The following ZNRF2 variants were observed in gnomAD, a reference collection of about 807,000 sequenced individuals.
ZNRF2 encodes zinc and ring finger 2, also known as E3 ubiquitin-protein ligase ZNRF2.
ZNRF2 carries 16 observed loss-of-function variants against 20.4 expected under a neutral mutation model. The ratio of observed to expected loss-of-function variants is 0.79; its 90% CI spans 0.53 to 1.19. The LOEUF (loss-of-function observed/expected upper bound fraction) is 1.19. Among genes scored for constraint, ZNRF2 ranks in the 50% most tolerant of loss-of-function variants. ZNRF2 has a pLI of 0.00. For synonymous variants in ZNRF2, 178 were observed against 144.9 expected, an observed-to-expected ratio of 1.23 and a Z score of -1.64; for missense variants, 363 against 332.4, an observed-to-expected ratio of 1.09 and a Z score of -0.72.
chr7:30,321,394 C>A (rs1799467219), intron 1 of ZNRF2, among the ~76,000 whole-genome samples: 1 of 151,990 alleles, frequency 6.6e-6, no homozygotes, highest in South Asian at 2.1e-4. Flanking sequence ...TTGATGCTTT[C>A]ATCTATTTTT....
At chr7:30,291,347 T>G (rs116595469) in intron 1 of ZNRF2, among the ~76,000 whole-genome samples, 1,858 of 152,308 alleles carry the variant, frequency 0.012, 45 homozygotes, top group African/African-American at 0.042. Flanking sequence ...CAATTAACAC[T>G]CGTAGTTTAC....
chr7:30,320,844 C>T (rs1276179373), intron 1 of ZNRF2, among the ~76,000 whole-genome samples: 3 of 152,160 alleles, frequency 2.0e-5, no homozygotes, highest in South Asian at 4.1e-4. Flanking sequence ...ATGTGTTTAA[C>T]CATGATACAT....
At chr7:30,337,672 C>T (rs1479859077) in intron 2 of ZNRF2, among the ~76,000 whole-genome samples, 1 of 152,040 alleles carries the variant, frequency 6.6e-6, no homozygotes, top group African/African-American at 2.4e-5. Flanking sequence ...ACATGAGACA[C>T]CCATGGAGAA....
intron 2 of ZNRF2, among the ~76,000 whole-genome samples, chr7:30,334,585 T>TATA (rs1449416350): frequency 6.6e-6 from 1 of 151,492 alleles, no homozygotes; most frequent in Non-Finnish European, 1.5e-5. Context: ...AGGACTCTAT[T>TATA]ATCTAACATG....
In ZNRF2 at chr7:30,290,038, T is replaced by C. The variant is rs1341187309; in HGVS notation, c.469+4212T>C. ...TTGCCCTAATATTAAACTTATTACA[T>C]GTAGTATTATGTATAATTGGGTATA... On this transcript the variant is annotated intron_variant, in intron 1 of 4. Transcript: ENST00000323037. 1.9e-5 allele frequency: 8 copies of C among 415,856 alleles called. No homozygotes were observed. In the East Asian group the frequency reaches 5.6e-4, roughly 29 times the overall value. 25.8% of individuals were successfully genotyped at this position (415,856 alleles called of 1,614,324 possible). A position where few individuals can be genotyped will look rare whatever the true frequency, so the allele number is the denominator to read the frequency against.
chr7:30,364,430 C>G (rs1800178443), intron 4 of ZNRF2, among the ~76,000 whole-genome samples: 1 of 152,138 alleles, frequency 6.6e-6, no homozygotes, highest in African/African-American at 2.4e-5. Context: ...CTGCAGTGAG[C>G]TATGAACACA....
At chr7:30,314,803 A>ATG (rs1302799435) in intron 1 of ZNRF2, among the ~76,000 whole-genome samples, 1 of 148,266 alleles carries the variant, frequency 6.7e-6, no homozygotes. Flanking sequence ...ATATATATAT[A>ATG]TGTATATATG....
At chr7:30,295,467 C>T (rs1478571196) in intron 1 of ZNRF2, among the ~76,000 whole-genome samples, 1 of 152,128 alleles carries the variant, frequency 6.6e-6, no homozygotes, top group East Asian at 1.9e-4. Flanking sequence ...CCCCAGAACT[C>T]TGGGAGACGG....
In ZNRF2 at chr7:30,325,713, T is replaced by C. The variant is rs533965478; in HGVS notation, c.565+1976T>C. Among the ~76,000 whole-genome samples, 5 of 152,322 alleles carry C rather than the reference T, an allele frequency of 3.3e-5. No homozygotes were observed. In the South Asian group the frequency reaches 1.0e-3, roughly 32 times the overall value. The stretch of plus-strand genomic sequence containing the variant: ...TTACAGGGTTGACAATAGAGCACTT[T>C]TTGCCATTCATTTGCTGATGAAATG... On this transcript the variant is annotated intron_variant, in intron 2 of 4. Coordinates refer to ENST00000323037, the MANE Select transcript of ZNRF2 (RefSeq NM_147128.4).
At chr7:30,302,582 T>C (rs1799135819) in intron 1 of ZNRF2, among the ~76,000 whole-genome samples, 1 of 152,096 alleles carries the variant, frequency 6.6e-6, no homozygotes, top group Non-Finnish European at 1.5e-5. Context: ...TTAGTGTATA[T>C]ATGTACATAA....
chr7:30,323,209 T>C (rs367668832), intron 1 of ZNRF2, among the ~76,000 whole-genome samples: 1 of 152,060 alleles, frequency 6.6e-6, no homozygotes, highest in South Asian at 2.1e-4. Flanking sequence ...GGTAGAATAG[T>C]GTCTAAGGTG....
chr7:30,347,703 ACT>A (rs1583593249), intron 2 of ZNRF2, among the ~76,000 whole-genome samples: 1 of 152,008 alleles, frequency 6.6e-6, no homozygotes. Flanking sequence ...ACAGAGCAAG[ACT>A]CTGTCTCAAA....
At position 30,366,086 on chromosome 7, in the gene ZNRF2, GTC is replaced by G. The variant is rs1409948520; in HGVS notation, c.*78_*79del. ...AAAAACCAAGAGGATATGAAAATCT[GTC>G]TCTGGAGAAACAAAGACGCAGGCAT... On this transcript the variant is annotated 3_prime_UTR_variant, in exon 5 of 5. Transcript: ENST00000323037. 2 of 152,510 alleles carry G rather than the reference GTC, an allele frequency of 1.3e-5. No individual in the cohort carries two copies. Among genetic ancestry groups the G allele is most frequent in the Non-Finnish European group, 2.9e-5 (2 of 68,028 alleles). The allele number at this position is 152,510 out of a possible 1,614,324, so 9.4% of individuals were successfully genotyped here.
chr7:30,325,309 C>G (rs2128063824), intron 2 of ZNRF2, among the ~76,000 whole-genome samples: 1 of 152,190 alleles, frequency 6.6e-6, no homozygotes, highest in African/African-American at 2.4e-5. Context: ...CCAGTAAACA[C>G]TATAGCCAAT....
intron 2 of ZNRF2, among the ~76,000 whole-genome samples, chr7:30,354,380 G>C (rs2127955998): frequency 6.6e-6 from 1 of 152,198 alleles, no homozygotes; most frequent in South Asian, 2.1e-4. Flanking sequence ...TTCTGCAGAA[G>C]GTGCCCTGTT....
intron 2 of ZNRF2, among the ~76,000 whole-genome samples, chr7:30,342,184 T>A (rs1583590556): frequency 6.6e-6 from 1 of 152,176 alleles, no homozygotes; most frequent in East Asian, 1.9e-4. Context: ...TTTATCCAAT[T>A]TGCCAGTCTG....
intron 1 of ZNRF2, among the ~76,000 whole-genome samples, chr7:30,295,050 A>AGAGAGAGAGAGAGAGAGAGT (rs1412764480): frequency 2.6e-5 from 1 of 38,280 alleles, no homozygotes; most frequent in Admixed American, 2.7e-4. Context: ...AGAGAGAGAG[A>AGAGAGAGAGAGAGAGAGAGT]GTGTGTGTGT....
chr7:30,285,379 C>T lies in ZNRF2; in HGVS notation c.22C>T (p.Pro8Ser). 1 of 1,230,740 alleles carries T rather than the reference C, an allele frequency of 8.1e-7. No homozygotes were observed. The highest frequency in any genetic ancestry group is 1.0e-6 in the Non-Finnish European group (1 of 969,892). 76.2% of individuals were successfully genotyped at this position (1,230,740 alleles called of 1,614,324 possible). MGAKQSG[P>S]AAANGRTRAY... The stretch of plus-strand genomic sequence containing the variant: ...GGACATGGGCGCCAAACAGAGCGGC[C>T]CGGCCGCCGCTAACGGCCGCACGCG... Residue 8 changes from proline to serine, a missense_variant, in exon 1 of 5, where the codon CCG (proline) becomes TCG (serine). Transcript: ENST00000323037.
chr7:30,324,464 G>A (rs1266463089), intron 2 of ZNRF2, among the ~76,000 whole-genome samples: 3 of 151,092 alleles, frequency 2.0e-5, no homozygotes, highest in South Asian at 2.1e-4. Context: ...CAGGAGAATC[G>A]CTTGAACCCA....
Sources: gnomAD v4.1 joint callset for allele counts (sites outside exome capture counted in the v4.1 genomes callset) on GRCh38, gnomAD v4.1.1 for gene constraint, MANE v1.5 for transcripts, NCBI Gene and HGNC (gene_info 2026-07-23, HGNC 2026-07-21) for gene names.